The following SHMT1 variants were observed in gnomAD, a reference collection of about 807,000 sequenced individuals.
SHMT1 encodes serine hydroxymethyltransferase 1.
A neutral mutation model predicts 49.0 loss-of-function variants in SHMT1; 45 were observed. The observed-to-expected ratio is 0.92, with a 90% CI of 0.72 to 1.18. The LOEUF is 1.18. SHMT1 is among the 50% of genes most tolerant of loss of function. The probability of loss-of-function intolerance (pLI) is 0.00; values close to 1 mark genes in which losing one functional copy is unlikely to be tolerated. For missense variants in SHMT1, 541 were observed against 612.4 expected (o/e 0.88, Z 1.23); for synonymous variants, 232 against 246.6 (o/e 0.94, Z 0.55).
intron 7 of SHMT1, among the ~76,000 whole-genome samples, chr17:18,339,703 G>A (rs1984270534): frequency 6.6e-6 from 1 of 152,136 alleles, no homozygotes. Flanking sequence ...TGGGACTACA[G>A]GTGCCCACCA....
chr17:18,340,601 C>T lies in SHMT1; in HGVS notation c.601+131G>A, dbSNP rs1271389568. On this transcript the variant is annotated intron_variant, in intron 6 of 11. Transcript: ENST00000316694. The surrounding 1 kb of genome is among the most constrained non-coding windows in gnomAD (Gnocchi z 4.5). The stretch of plus-strand genomic sequence containing the variant: ...CCTGAAAGAAACTAATATATGTAGA[C>T]CCCAGAAACTCAGTTATCCAGGGCA... 6 of 796,290 alleles carry T rather than the reference C, an allele frequency of 7.5e-6. No homozygotes were observed. Among genetic ancestry groups the T allele is most frequent in the Non-Finnish European group, 1.3e-5 (6 of 463,300 alleles). The allele number at this position is 796,290 out of a possible 1,614,324, so 49.3% of individuals were successfully genotyped here.
At chr17:18,334,623 AC>A (rs929486119) in intron 8 of SHMT1, among the ~76,000 whole-genome samples, 10 of 152,318 alleles carry the variant, frequency 6.6e-5, no homozygotes, top group Non-Finnish European at 1.3e-4. Context: ...CCTACCCTGC[AC>A]CATTCAGACT....
intron 1 of SHMT1, among the ~76,000 whole-genome samples, chr17:18,357,891 T>C: frequency 7.7e-6 from 1 of 129,702 alleles, no homozygotes. Flanking sequence ...TGAGACAGAG[T>C]CTCACTCTGT....
Position 18,355,943 on chromosome 17 carries a change from G to A in SHMT1, c.39C>T (p.Asp13=). The change falls in exon 2 of 12, where the codon GAC becomes GAT. Residue 13 remains aspartate, a synonymous_variant. Coordinates refer to ENST00000316694, the MANE Select transcript of SHMT1 (RefSeq NM_004169.5). ...MPVNGAHKDA[D]LWSSHDKMLA... is the part of the protein sequence containing the mutation. ...GCATCTTGTCATGTGAGGACCACAG[G>A]TCAGCATCCTTGTGGGCCCCGTTGA... The A allele has an allele frequency of 6.2e-7, 1 of 1,614,094 alleles. No individual in the cohort carries two copies. Among genetic ancestry groups the A allele is most frequent in the Non-Finnish European group, 8.5e-7 (1 of 1,179,976 alleles).
intron 7 of SHMT1, 99 bp from the exon 8 acceptor site, chr17:18,335,774 G>T: frequency 1.1e-6 from 1 of 885,518 alleles, no homozygotes; most frequent in South Asian, 1.3e-5. Flanking sequence ...TCAAGCACAA[G>T]CCTGGCCTTT....
chr17:18,358,307 C>A (rs536452325), intron 1 of SHMT1, among the ~76,000 whole-genome samples: 2 of 150,788 alleles, frequency 1.3e-5, no homozygotes, highest in Non-Finnish European at 3.0e-5. Flanking sequence ...CTGGCCTACA[C>A]GGTGAAACCC....
In SHMT1 at chr17:18,358,088, G is replaced by A. The variant is rs1356324770; in HGVS notation, c.-19-2088C>T. ...TTCACCGGTTAGCCAGGATGGTCTC[G>A]GCCTCCCAAAGTGCTGGGATTACAG... On this transcript the variant is annotated intron_variant, in intron 1 of 11. Transcript: ENST00000316694. Among the ~76,000 whole-genome samples the A allele has an allele frequency of 4.2e-5, 6 of 141,632 alleles. No individual in the cohort carries two copies. In the South Asian group the frequency reaches 9.4e-4, roughly 22 times the overall value. The allele number at this position is 141,632 out of a possible 152,430, so 92.9% of individuals were successfully genotyped here.
rs1323966807 is a variant in SHMT1, at chr17:18,328,084, G to A, written c.*666C>T. ...TTTGGCTTCCTGATTACGGGAGGGA[G>A]TTGGTTATCTCAGGTGGAGCAGGAA... On this transcript the variant is annotated 3_prime_UTR_variant, in exon 12 of 12. Coordinates refer to ENST00000316694, the MANE Select transcript of SHMT1 (RefSeq NM_004169.5). 1 of 152,426 alleles carries A rather than the reference G, an allele frequency of 6.6e-6. No individual in the cohort carries two copies. Among genetic ancestry groups the A allele is most frequent in the African/African-American group, 2.4e-5 (1 of 41,428 alleles). 9.4% of individuals were successfully genotyped at this position (152,426 alleles called of 1,614,324 possible).
intron 10 of SHMT1, among the ~76,000 whole-genome samples, chr17:18,330,037 G>C (rs924249007): frequency 1.3e-5 from 2 of 151,800 alleles, no homozygotes; most frequent in Non-Finnish European, 2.9e-5. Flanking sequence ...AGTAGAGACA[G>C]GGTTTCACCG....
At chr17:18,328,969 G>T in intron 11 of SHMT1, 50 bp from the exon 12 acceptor site, 2 of 1,608,164 alleles carry the variant, frequency 1.2e-6, no homozygotes, top group South Asian at 1.1e-5. Context: ...ACCAAAGGGG[G>T]TACAATGGCT....
chr17:18,347,540 T>TC lies in SHMT1; in HGVS notation c.474dup (p.Lys159GlufsTer10). ...AAGAAGATGGACGTGGCAGAGATTT[T>TC]CTTCTTGTCTGTCATGAACCCATGG... On this transcript the variant is annotated frameshift_variant, in exon 5 of 12. Coordinates refer to ENST00000316694, the MANE Select transcript of SHMT1 (RefSeq NM_004169.5). LOFTEE classifies it high-confidence loss of function. 6.2e-7 allele frequency: 1 copy of TC among 1,614,174 alleles called. No homozygotes were observed. The highest frequency in any genetic ancestry group is 8.5e-7 in the Non-Finnish European group (1 of 1,180,030).
At chr17:18,336,407 T>A (rs189657160) in intron 7 of SHMT1, among the ~76,000 whole-genome samples, 47 of 152,262 alleles carry the variant, frequency 3.1e-4, no homozygotes, top group African/African-American at 1.1e-3. Flanking sequence ...GGTTCATGCG[T>A]GTAATCCCAG....
At chr17:18,350,066 C>A (rs866298303) in intron 3 of SHMT1, among the ~76,000 whole-genome samples, 1 of 152,020 alleles carries the variant, frequency 6.6e-6, no homozygotes, top group Non-Finnish European at 1.5e-5. Context: ...CGGTGGCTCA[C>A]GCCTGTAATC....
At chr17:18,341,999 C>T (rs759229184) in intron 5 of SHMT1, among the ~76,000 whole-genome samples, 4 of 152,078 alleles carry the variant, frequency 2.6e-5, no homozygotes, top group Middle Eastern at 3.2e-3. Flanking sequence ...TCTGGATGCC[C>T]GCCTCACCCA....
chr17:18,351,266 G>A (rs1293487062), intron 3 of SHMT1, among the ~76,000 whole-genome samples: 5 of 151,742 alleles, frequency 3.3e-5, no homozygotes, highest in South Asian at 4.2e-4. Context: ...TTAGCCTCCC[G>A]AGTAGCTGGG....
rs149016480 is a variant in SHMT1, at chr17:18,355,977, G to A, written c.5C>T (p.Thr2Met). The A allele has an allele frequency of 1.4e-5, 22 of 1,610,510 alleles. No individual in the cohort carries two copies. Among genetic ancestry groups the A allele is most frequent in the African/African-American group, 5.3e-5 (4 of 74,842 alleles). Reference sequence around the variant, plus strand: ...CTTGTGGGCCCCGTTGACTGGCATCGTCATTGCACTGGTTCGAAGCTGCCT... The same window carrying A: ...CTTGTGGGCCCCGTTGACTGGCATCATCATTGCACTGGTTCGAAGCTGCCT... M[T>M]MPVNGAHKDA... The change falls in exon 2 of 12, where the codon ACG becomes ATG. Residue 2 changes from threonine to methionine, a missense_variant. Transcript: ENST00000316694.
At position 18,335,617 on chromosome 17, in the gene SHMT1, A is replaced by G. The variant is rs751903618; in HGVS notation, c.873T>C (p.Leu291=). ...GGCCAGGGAACACAGCAGAATTGAT[A>G]AGAGACTCCAGGTTGTACAGAATCT... ...GKEILYNLES[L]INSAVFPGLQ... is the part of the protein sequence containing the mutation. The change falls in exon 8 of 12, where the codon CTT becomes CTC. Residue 291 remains leucine (L), a synonymous_variant. Coordinates refer to ENST00000316694, the MANE Select transcript of SHMT1 (RefSeq NM_004169.5). The G allele has an allele frequency of 4.3e-6, 7 of 1,614,158 alleles. No individual in the cohort carries two copies. The Admixed American group carries it at 6.7e-5, about 15-fold the overall frequency.
chr17:18,340,307 G>C lies in SHMT1; in HGVS notation c.602-52C>G. ...CATCAGAGATGTCCACCGGCCAGCT[G>C]AGTTGGCTTCACAGTGGCCTCTAGA... On this transcript the variant is annotated intron_variant, in intron 6 of 11. Transcript: ENST00000316694. The surrounding 1 kb of genome is among the most constrained non-coding windows in gnomAD (Gnocchi z 4.5). The C allele has an allele frequency of 6.3e-7, 1 of 1,587,888 alleles. No individual in the cohort carries two copies. The highest frequency in any genetic ancestry group is 1.1e-5 in the South Asian group (1 of 90,518).
rs768374149 is a variant in SHMT1, at chr17:18,340,051, T to C, written c.806A>G (p.Tyr269Cys). The C allele has an allele frequency of 1.1e-5, 17 of 1,613,542 alleles. No homozygotes were observed. Among genetic ancestry groups the C allele is most frequent in the Non-Finnish European group, 1.4e-5 (16 of 1,180,012 alleles). The stretch of plus-strand genomic sequence containing the variant: ...AACATTCGGGAGCTCACCTTTCCTG[T>C]AGAAGATCATGCCAGCTCGGCAGCC... Reference protein sequence around the residue: ...LRGCRAGMIFYRKGVKSVDPK... With the variant: ...LRGCRAGMIFCRKGVKSVDPK... Residue 269 changes from tyrosine (Y) to cysteine (C), a missense_variant, in exon 7 of 12, where the codon TAC becomes TGC. Coordinates refer to ENST00000316694, the MANE Select transcript of SHMT1 (RefSeq NM_004169.5). The surrounding 1 kb of genome is among the most constrained non-coding windows in gnomAD (Gnocchi z 4.5).
Sources: gnomAD v4.1 joint callset for allele counts (sites outside exome capture counted in the v4.1 genomes callset) on GRCh38, gnomAD v4.1.1 for gene constraint, Gnocchi (gnomAD v3.1) non-coding constraint, MANE v1.5 for transcripts, NCBI Gene and HGNC (gene_info 2026-07-23, HGNC 2026-07-21) for gene names.